DACH1: variants seen among roughly 807,000 people sequenced by gnomAD.
DACH1 encodes the protein dachshund family transcription factor 1.
Under a neutral mutation model 54.2 loss-of-function variants are expected in DACH1, and 12 were observed. That is an observed-to-expected ratio of 0.22 (90% CI 0.14 to 0.36). The LOEUF (loss-of-function observed/expected upper bound fraction) is 0.36. DACH1 is among the 10% of genes least tolerant of loss of function. DACH1 has a pLI of 1.00. For missense variants in DACH1, 805 were observed against 929.8 expected (o/e 0.87, Z 1.75); for synonymous variants, 386 against 366.2 (o/e 1.05, Z -0.62).
At chr13:71,524,501 A>G (rs1881819871) in intron 6 of DACH1, among the ~76,000 whole-genome samples, 1 of 152,132 alleles carries the variant, frequency 6.6e-6, no homozygotes, top group Non-Finnish European at 1.5e-5. Context: ...CGATACTGTA[A>G]TTCAATGAAG....
chr13:71,490,887 A>C (rs1223317080), intron 6 of DACH1, among the ~76,000 whole-genome samples: 2 of 152,208 alleles, frequency 1.3e-5, no homozygotes, highest in African/African-American at 2.4e-5. Flanking sequence ...TTAATAGATC[A>C]TGGGGATAAT....
chr13:71,851,577 G>T (rs1873671368), intron 1 of DACH1, among the ~76,000 whole-genome samples: 1 of 152,052 alleles, frequency 6.6e-6, no homozygotes, highest in Non-Finnish European at 1.5e-5. Flanking sequence ...TGGCCTTCTT[G>T]TTGTTGAAAT....
intron 6 of DACH1, among the ~76,000 whole-genome samples, chr13:71,528,621 G>T (rs971692787): frequency 7.9e-5 from 12 of 151,596 alleles, no homozygotes; most frequent in African/African-American, 2.9e-4. Flanking sequence ...TAGTAGAGAC[G>T]GCGTTTCACC....
At chr13:71,599,402 T>C (rs1874334658) in intron 3 of DACH1, among the ~76,000 whole-genome samples, 1 of 152,150 alleles carries the variant, frequency 6.6e-6, no homozygotes, top group Admixed American at 6.5e-5. Context: ...TGTTAAACAA[T>C]TCCTGGGCTT....
At chr13:71,854,371 G>A (rs1873864736) in intron 1 of DACH1, among the ~76,000 whole-genome samples, 1 of 152,068 alleles carries the variant, frequency 6.6e-6, no homozygotes, top group Admixed American at 6.6e-5. Flanking sequence ...GTAAGAAGAT[G>A]AAATTTAGTT....
intron 8 of DACH1, among the ~76,000 whole-genome samples, chr13:71,478,025 G>A (rs567003283): frequency 6.6e-6 from 1 of 152,254 alleles, no homozygotes; most frequent in Non-Finnish European, 1.5e-5. Flanking sequence ...AGTAACCAAA[G>A]GGTTACTTTA....
chr13:71,597,953 C>A (rs1352096890), intron 3 of DACH1, among the ~76,000 whole-genome samples: 2 of 151,008 alleles, frequency 1.3e-5, no homozygotes, highest in African/African-American at 4.9e-5. Flanking sequence ...CACATTTCTA[C>A]CAAAAAGGAA....
chr13:71,838,852 C>T (rs1249330328), intron 1 of DACH1, among the ~76,000 whole-genome samples: 4 of 152,206 alleles, frequency 2.6e-5, no homozygotes, highest in Non-Finnish European at 4.4e-5. Flanking sequence ...GTGGAGCCTA[C>T]CTTTGTGGTT....
intron 3 of DACH1, among the ~76,000 whole-genome samples, chr13:71,620,066 T>A (rs536341055): frequency 6.6e-6 from 1 of 152,074 alleles, no homozygotes; most frequent in Non-Finnish European, 1.5e-5. Context: ...CAAACTAATT[T>A]GACCACCTTG....
chr13:71,694,398 A>G (rs773134156), intron 1 of DACH1, among the ~76,000 whole-genome samples: 2 of 152,146 alleles, frequency 1.3e-5, no homozygotes, highest in African/African-American at 2.4e-5. Flanking sequence ...AAGATAGACA[A>G]AGGCTGTTTC....
At chr13:71,676,559 A>G (rs1880588176) in intron 2 of DACH1, among the ~76,000 whole-genome samples, 2 of 152,188 alleles carry the variant, frequency 1.3e-5, no homozygotes, top group South Asian at 4.1e-4. Flanking sequence ...GAGAAGTTGA[A>G]ATGTTTAATG....
chr13:71,836,070 G>T (rs1380102078), intron 1 of DACH1, among the ~76,000 whole-genome samples: 1 of 151,934 alleles, frequency 6.6e-6, no homozygotes, highest in Non-Finnish European at 1.5e-5. Context: ...CTCAGATTCA[G>T]GAACTGGTAA....
At chr13:71,759,010 A>C (rs1412224600) in intron 1 of DACH1, among the ~76,000 whole-genome samples, 1 of 151,798 alleles carries the variant, frequency 6.6e-6, no homozygotes, top group Non-Finnish European at 1.5e-5. Context: ...AGCACAAAGC[A>C]GGGAGCATGG....
chr13:71,748,910 T>TCTCTCTC (rs1566476977), intron 1 of DACH1, among the ~76,000 whole-genome samples: 1 of 39,222 alleles, frequency 2.5e-5, no homozygotes, highest in African/African-American at 5.3e-5. Flanking sequence ...CTTTCTTTCT[T>TCTCTCTC]TCTTTCTTTC....
intron 6 of DACH1, among the ~76,000 whole-genome samples, chr13:71,494,999 A>G (rs1399160772): frequency 6.6e-6 from 1 of 152,030 alleles, no homozygotes; most frequent in Non-Finnish European, 1.5e-5. Context: ...TTTCCTGTTA[A>G]TAAAATCTAA....
intron 1 of DACH1, among the ~76,000 whole-genome samples, chr13:71,691,652 C>T (rs1337369885): frequency 3.9e-5 from 6 of 152,092 alleles, no homozygotes; most frequent in Non-Finnish European, 5.9e-5. Context: ...GCTTCAGATG[C>T]CAAGCCCTGA....
chr13:71,526,728 G>GTA (rs1008963997), intron 6 of DACH1, among the ~76,000 whole-genome samples: 6 of 146,812 alleles, frequency 4.1e-5, no homozygotes, highest in Non-Finnish European at 7.5e-5. Flanking sequence ...ATATATATAG[G>GTA]TATATATATG....
intron 6 of DACH1, among the ~76,000 whole-genome samples, chr13:71,516,029 G>T (rs554345827): frequency 6.6e-6 from 1 of 151,842 alleles, no homozygotes; most frequent in Non-Finnish European, 1.5e-5. Context: ...GAAACAATAA[G>T]CACGTTGGTA....
intron 3 of DACH1, among the ~76,000 whole-genome samples, chr13:71,582,998 C>CT (rs2138438334): frequency 6.6e-6 from 1 of 152,148 alleles, no homozygotes; most frequent in African/African-American, 2.4e-5. Context: ...ATTGCCATGA[C>CT]AATGAGAGTT....
Sources: allele counts gnomAD v4.1 joint callset (sites outside exome capture counted in the v4.1 genomes callset), GRCh38; gene constraint gnomAD v4.1.1; transcripts MANE v1.5; gene names NCBI Gene and HGNC (gene_info 2026-07-23, HGNC 2026-07-21).